TMEM164: variants seen among roughly 807,000 people sequenced by gnomAD.
The protein encoded by TMEM164 is RP13-360B22.2.
In TMEM164, 4 loss-of-function variants were observed where a neutral mutation model predicts 18.8. The observed-to-expected ratio is 0.21, with a 90% CI of 0.10 to 0.49. TMEM164 has a LOEUF of 0.49. Ranked by LOEUF, TMEM164 falls within the 20% of genes least tolerant of loss-of-function variation. TMEM164 has a pLI of 0.98. For missense variants in TMEM164, 108 were observed against 239.9 expected, an observed-to-expected ratio of 0.45 and a Z score of 3.63; for synonymous variants, 86 against 101.7, an observed-to-expected ratio of 0.85 and a Z score of 0.93.
At chrX:110,106,772 C>T (rs1602635888) in intron 3 of TMEM164, among the ~76,000 whole-genome samples, 1 of 111,815 alleles carries the variant, frequency 8.9e-6, no homozygotes, top group East Asian at 2.8e-4. Context: ...GGCCCAGGGG[C>T]AGGGTTAAGC....
intron 5 of TMEM164, among the ~76,000 whole-genome samples, chrX:110,148,259 C>A (rs776724103): frequency 2.7e-5 from 3 of 110,820 alleles, no homozygotes; most frequent in Non-Finnish European, 3.8e-5. Flanking sequence ...CTCAATAGAT[C>A]CCCCCTCTCC....
intron 2 of TMEM164, among the ~76,000 whole-genome samples, chrX:110,013,567 G>C (rs973491873): frequency 1.8e-5 from 2 of 111,972 alleles, no homozygotes; most frequent in Non-Finnish European, 3.8e-5. Flanking sequence ...ATTCTTGCTG[G>C]GACATTGTAG....
chrX:110,064,815 AAAAAAT>A (rs917066697), intron 2 of TMEM164, among the ~76,000 whole-genome samples: 17 of 107,921 alleles, frequency 1.6e-4, no homozygotes, highest in Non-Finnish European at 2.3e-4. Flanking sequence ...TGTCTCCACA[AAAAAAT>A]AAAAATAAAA....
rs138626573 is a variant in TMEM164 at position 110,160,025 on chromosome X, G to A, written c.587-11395G>A. 6.9e-3 allele frequency among the ~76,000 whole-genome samples: 774 copies of A among 111,473 alleles called. 1 individual carries two copies. The highest frequency in any genetic ancestry group is 0.011 in the Non-Finnish European group (573 of 53,079). ...GAGGAAGTCAGCCACAAGGTGGTTG[G>A]AGGAAAGTGCCCACACAGCTTTAGG... On this transcript the variant is annotated intron_variant, in intron 5 of 6. Coordinates refer to ENST00000372068, the MANE Select transcript of TMEM164 (RefSeq NM_032227.4).
At chrX:110,048,601 T>C (rs1038539066) in intron 2 of TMEM164, among the ~76,000 whole-genome samples, 2 of 110,693 alleles carry the variant, frequency 1.8e-5, no homozygotes, top group African/African-American at 6.6e-5. Context: ...GTTTTGGAAT[T>C]AGAACTTAGG....
chrX:110,015,633 T>C (rs1159915107), intron 2 of TMEM164, among the ~76,000 whole-genome samples: 1 of 110,585 alleles, frequency 9.0e-6, no homozygotes, highest in African/African-American at 3.3e-5. Flanking sequence ...CTCAGAGTCA[T>C]GTGCACAAGT....
chrX:110,096,200 A>C (rs750222004), intron 3 of TMEM164, among the ~76,000 whole-genome samples: 1 of 111,391 alleles, frequency 9.0e-6, no homozygotes, highest in Non-Finnish European at 1.9e-5. Context: ...GAGAACCACT[A>C]CTCTCTTTAA....
At chrX:110,098,289 AGTTT>A (rs1172737528) in intron 3 of TMEM164, among the ~76,000 whole-genome samples, 3 of 111,271 alleles carry the variant, frequency 2.7e-5, no homozygotes, top group African/African-American at 9.8e-5. Context: ...TAGGTACCAC[AGTTT>A]GTTTATCCAT....
chrX:110,156,825 A>G (rs1218075036), intron 5 of TMEM164, among the ~76,000 whole-genome samples: 1 of 110,829 alleles, frequency 9.0e-6, no homozygotes, highest in Non-Finnish European at 1.9e-5. Context: ...TTCATGAGGG[A>G]TCCACCCTCA....
chrX:110,157,521 C>T (rs932423515), intron 5 of TMEM164, among the ~76,000 whole-genome samples: 16 of 111,431 alleles, frequency 1.4e-4, no homozygotes, highest in African/African-American at 5.2e-4. Context: ...AAATGCTAAA[C>T]TGAAGCCCAG....
chrX:110,060,133 G>T, intron 2 of TMEM164, among the ~76,000 whole-genome samples: 1 of 109,959 alleles, frequency 9.1e-6, no homozygotes, highest in African/African-American at 3.3e-5. Flanking sequence ...TAGGTGTGGT[G>T]GCACATGCCT....
chrX:110,009,456 G>T (rs1569291881), intron 2 of TMEM164, among the ~76,000 whole-genome samples: 1 of 108,739 alleles, frequency 9.2e-6, no homozygotes, highest in Non-Finnish European at 1.9e-5. Flanking sequence ...TTTTTTGTTT[G>T]TTTGTTTTTT....
At chrX:110,141,280 G>A (rs757045164) in intron 4 of TMEM164, among the ~76,000 whole-genome samples, 6 of 111,936 alleles carry the variant, frequency 5.4e-5, no homozygotes, top group South Asian at 7.5e-4. Flanking sequence ...TGTCAGATGC[G>A]CATGATCATA....
chrX:110,024,503 C>T (rs1249069126), intron 2 of TMEM164, among the ~76,000 whole-genome samples: 1 of 111,671 alleles, frequency 9.0e-6, no homozygotes, highest in South Asian at 3.7e-4. Context: ...AGGCTGGTCT[C>T]GAACTTCTAG....
chrX:110,181,962 T>C (rs1323869343), downstream of TMEM164, among the ~76,000 whole-genome samples: 1 of 112,059 alleles, frequency 8.9e-6, no homozygotes, highest in Non-Finnish European at 1.9e-5. Flanking sequence ...GGTGTGTATG[T>C]GAGTGGGTGT....
At chrX:110,109,411 G>A (rs181326254) in intron 4 of TMEM164, among the ~76,000 whole-genome samples, 72 of 111,710 alleles carry the variant, frequency 6.4e-4, no homozygotes, top group Non-Finnish European at 1.1e-3. Context: ...CCAGCTACTC[G>A]GGAGGCTAAG....
chrX:110,173,167 T>C (rs1040539888), intron 6 of TMEM164, 78 bp from the exon 7 acceptor site: 8 of 1,027,995 alleles, frequency 7.8e-6, no homozygotes, highest in African/African-American at 1.9e-5. Context: ...CCCCATTAGG[T>C]AGAGATGGCT....
At chrX:110,016,469 G>T (rs913703005) in intron 2 of TMEM164, among the ~76,000 whole-genome samples, 1 of 111,428 alleles carries the variant, frequency 9.0e-6, no homozygotes, top group Non-Finnish European at 1.9e-5. Context: ...AAAAAGAGTC[G>T]AATTTAGGAG....
chrX:110,003,652 T>G lies in TMEM164; in HGVS notation c.-123T>G. 1.5e-5 allele frequency: 12 copies of G among 778,128 alleles called. No homozygotes were observed. Among genetic ancestry groups the G allele is most frequent in the East Asian group, 3.2e-5 (1 of 30,955 alleles). The allele number at this position is 778,128 out of a possible 1,213,427, so 64.1% of individuals were successfully genotyped here. On this transcript the variant is annotated 5_prime_UTR_variant, in exon 2 of 7. Transcript: ENST00000372068. ...CCCTCCCCTACTCTCGGTGCCCTGGTGTCTGGAGGGGGGTTGTGGGGGTGT... is the reference window on the plus strand; with the variant it reads ...CCCTCCCCTACTCTCGGTGCCCTGGGGTCTGGAGGGGGGTTGTGGGGGTGT...
Sources: allele counts gnomAD v4.1 joint callset (sites outside exome capture counted in the v4.1 genomes callset), GRCh38; gene constraint gnomAD v4.1.1; transcripts MANE v1.5; gene names NCBI Gene and HGNC (gene_info 2026-07-23, HGNC 2026-07-21).